Variants in ATP11B observed in about 807,000 individuals in gnomAD.
ATP11B encodes phospholipid-transporting ATPase IF.
Under a neutral mutation model 157.8 loss-of-function variants are expected in ATP11B, and 81 were observed. The observed-to-expected ratio is 0.51, with a 90% CI of 0.43 to 0.62. The LOEUF is 0.62. Ranked by LOEUF, ATP11B falls within the 20% of genes least tolerant of loss-of-function variation. The pLI, the probability that ATP11B is intolerant of heterozygous loss-of-function variation, is 0.00. For synonymous variants in ATP11B, 451 were observed against 469.4 expected, an observed-to-expected ratio of 0.96 and a Z score of 0.51; for missense variants, 1,165 against 1,402.2, an observed-to-expected ratio of 0.83 and a Z score of 2.70.
intron 7 of ATP11B, among the ~76,000 whole-genome samples, chr3:182,839,604 A>ATTTATTTTATTTTATTTTATTTTAT (rs56137243): frequency 0.095 from 14,192 of 149,002 alleles, 736 homozygotes; most frequent in Non-Finnish European, 0.1. Flanking sequence ...TTTTTTAAAT[A>ATTTATTTTATTTTATTTTATTTTAT]TTTATTTTAT....
intron 1 of ATP11B, among the ~76,000 whole-genome samples, chr3:182,818,488 G>A (rs1335821479): frequency 6.6e-6 from 1 of 152,132 alleles, no homozygotes; most frequent in Non-Finnish European, 1.5e-5. Context: ...GCAAAATGTT[G>A]CAAAAGCAGG....
At chr3:182,888,463 A>G (rs182538903) in intron 24 of ATP11B, among the ~76,000 whole-genome samples, 2 of 152,324 alleles carry the variant, frequency 1.3e-5, no homozygotes, top group East Asian at 1.9e-4. Flanking sequence ...ACAGAAGAAT[A>G]TAATAACAGA....
chr3:182,855,744 C>CAT (rs1445072280), intron 10 of ATP11B, among the ~76,000 whole-genome samples: 1 of 152,088 alleles, frequency 6.6e-6, no homozygotes, highest in Admixed American at 6.5e-5. Flanking sequence ...ATGCATAATA[C>CAT]ATATTTCACC....
chr3:182,909,492 G>A (rs963399808), intron 28 of ATP11B, among the ~76,000 whole-genome samples: 4 of 151,874 alleles, frequency 2.6e-5, no homozygotes, highest in Admixed American at 2.6e-4. Context: ...ATTTAAAAGT[G>A]GTCTCCCAAA....
rs1178100820 is a variant in ATP11B, at chr3:182,849,238, A to C, written c.851+681A>C. Among the ~76,000 whole-genome samples the C allele has an allele frequency of 3.3e-5, 5 of 152,200 alleles. No individual in the cohort carries two copies. In the East Asian group the frequency reaches 9.6e-4, roughly 29 times the overall value. Reference sequence around the variant, plus strand: ...AAGGGAGACAAAAGAACTCAACAGAATTTTACTGCTGCCCATTGCATTGGA... The same window carrying C: ...AAGGGAGACAAAAGAACTCAACAGACTTTTACTGCTGCCCATTGCATTGGA... On this transcript the variant is annotated intron_variant, in intron 10 of 29. Coordinates refer to ENST00000323116, the MANE Select transcript of ATP11B (RefSeq NM_014616.3).
At position 182,913,972 on chromosome 3, in the gene ATP11B, T is replaced by C. The variant is rs375894000; in HGVS notation, c.3430T>C (p.Cys1144Arg). Residue 1144 changes from cysteine to arginine, a missense_variant, in exon 29 of 30, where the codon TGT becomes CGT. By Grantham distance (180) the Cys-to-Arg change is radical. Transcript: ENST00000323116. ...AATGCTGGAACGAGTTATAGGAAGATGTAGTCCAACCCACATCAGCAGGTG... is the reference window on the plus strand; with the variant it reads ...AATGCTGGAACGAGTTATAGGAAGACGTAGTCCAACCCACATCAGCAGGTG... The part of the protein sequence containing the change: ...GRMLERVIGR[C>R]SPTHISRSWS... 1.9e-6 allele frequency: 3 copies of C among 1,614,074 alleles called. No homozygotes were observed. The highest frequency in any genetic ancestry group is 1.7e-5 in the Admixed American group (1 of 60,020).
At chr3:182,848,394 C>A in intron 9 of ATP11B, 82 bp from the exon 10 acceptor site, 1 of 817,588 alleles carries the variant, frequency 1.2e-6, no homozygotes, top group South Asian at 3.3e-5. Context: ...ACACTAAAAG[C>A]TTTCATGCTG....
At chr3:182,862,319 T>C (rs917176820) in intron 12 of ATP11B, among the ~76,000 whole-genome samples, 2 of 151,896 alleles carry the variant, frequency 1.3e-5, no homozygotes, top group Non-Finnish European at 2.9e-5. Flanking sequence ...ACTAATATGC[T>C]TATCAGAAGC....
chr3:182,908,916 A>G (rs1002030919), intron 28 of ATP11B, among the ~76,000 whole-genome samples: 1 of 152,178 alleles, frequency 6.6e-6, no homozygotes, highest in Non-Finnish European at 1.5e-5. Context: ...CTTCTTTCCA[A>G]ATAACTCCTT....
intron 25 of ATP11B, among the ~76,000 whole-genome samples, chr3:182,892,759 C>T (rs1413242407): frequency 6.6e-6 from 1 of 152,122 alleles, no homozygotes; most frequent in Non-Finnish European, 1.5e-5. Context: ...TCAATTTTCT[C>T]TAAGATTTGG....
At chr3:182,820,647 C>CAACA (rs1201290339) in intron 2 of ATP11B, among the ~76,000 whole-genome samples, 1 of 151,126 alleles carries the variant, frequency 6.6e-6, no homozygotes, top group Admixed American at 6.6e-5. Context: ...CCAACCTGGG[C>CAACA]AACAGAGTGA....
chr3:182,842,982 C>G (rs1193209339), intron 8 of ATP11B, among the ~76,000 whole-genome samples: 1 of 152,196 alleles, frequency 6.6e-6, no homozygotes, highest in African/African-American at 2.4e-5. Flanking sequence ...CTCTCAGATT[C>G]CAAAAGCAGC....
At chr3:182,807,265 A>G (rs1037506032) in intron 1 of ATP11B, among the ~76,000 whole-genome samples, 5 of 152,162 alleles carry the variant, frequency 3.3e-5, no homozygotes, top group African/African-American at 9.7e-5. Context: ...AAAGTGTGAT[A>G]AGACTACAGA....
At chr3:182,841,997 A>AAAC in intron 7 of ATP11B, 78 bp from the exon 8 acceptor site, 1 of 911,620 alleles carries the variant, frequency 1.1e-6, no homozygotes, top group South Asian at 1.5e-5. Context: ...AAAAAAAAAA[A>AAAC]CAAAGGATGG....
chr3:182,878,865 G>A (rs961366734), intron 19 of ATP11B, among the ~76,000 whole-genome samples: 4 of 151,874 alleles, frequency 2.6e-5, no homozygotes, highest in South Asian at 2.1e-4. Flanking sequence ...TTTAAATAAT[G>A]TTTCGATTTT....
At chr3:182,836,732 T>A (rs1718581228) in intron 6 of ATP11B, 2 of 484,088 alleles carry the variant, frequency 4.1e-6, no homozygotes, top group South Asian at 8.6e-5. Flanking sequence ...TGTGGTACTT[T>A]TAAAAGATAA....
At chr3:182,799,554 C>T (rs1383370542) in intron 1 of ATP11B, among the ~76,000 whole-genome samples, 8 of 152,126 alleles carry the variant, frequency 5.3e-5, no homozygotes, top group East Asian at 1.9e-4. Flanking sequence ...GGATTACAGG[C>T]GTCAGCCACC....
At chr3:182,795,951 A>T (rs947334014) in intron 1 of ATP11B, among the ~76,000 whole-genome samples, 1 of 152,228 alleles carries the variant, frequency 6.6e-6, no homozygotes, top group Non-Finnish European at 1.5e-5. Context: ...GCAAATCCTA[A>T]GGACAGGTTG....
At chr3:182,810,267 G>A (rs921526158) in intron 1 of ATP11B, among the ~76,000 whole-genome samples, 10 of 152,102 alleles carry the variant, frequency 6.6e-5, no homozygotes, top group African/African-American at 2.4e-4. Context: ...AGGAGGTGGA[G>A]GTTGCAGCGA....
Sources: gnomAD v4.1 joint callset for allele counts (sites outside exome capture counted in the v4.1 genomes callset) on GRCh38, gnomAD v4.1.1 for gene constraint, MANE v1.5 for transcripts, NCBI Gene and HGNC (gene_info 2026-07-23, HGNC 2026-07-21) for gene names.